Variants in SLC6A9 observed in about 807,000 individuals in gnomAD.
The protein encoded by SLC6A9 is solute carrier family 6 member 9.
In SLC6A9, 31 loss-of-function variants were observed where a neutral mutation model predicts 70.9. The observed-to-expected ratio is 0.44, with a 90% CI of 0.33 to 0.59. The LOEUF is 0.59. Among genes scored for constraint, SLC6A9 ranks in the 20% least tolerant of loss-of-function variants. The pLI is 0.04. For synonymous variants in SLC6A9, 310 were observed against 341.3 expected (o/e 0.91, Z 1.01); for missense variants, 631 against 845.2 (o/e 0.75, Z 3.14).
At chr1:44,003,561 A>C (rs577062532) in intron 5 of SLC6A9, among the ~76,000 whole-genome samples, 1 of 152,234 alleles carries the variant, frequency 6.6e-6, no homozygotes, top group East Asian at 1.9e-4. Flanking sequence ...GTTCAAGACC[A>C]GCCTGGCCAA....
At chr1:44,008,259 G>T in intron 5 of SLC6A9, 94 bp downstream of exon 5, 2 of 1,293,600 alleles carry the variant, frequency 1.5e-6, no homozygotes, top group Non-Finnish European at 2.2e-6. Context: ...GGCTGAACCT[G>T]CAGCAGGCAC....
At position 43,997,910 on chromosome 1, in the gene SLC6A9, A is replaced by T. The variant is rs767213964; in HGVS notation, c.1652T>A (p.Ile551Asn). 4 of 1,613,992 alleles carry T rather than the reference A, an allele frequency of 2.5e-6. No homozygotes were observed. The highest frequency in any genetic ancestry group is 3.4e-6 in the Non-Finnish European group (4 of 1,179,966). ...FLMALSSVLC[I>N]PLYAMFRLCR... ...GAGCCGGAACATGGCGTAGAGGGGG[A>T]TGCAGAGGACGGAGGACAGAGCCAT... The change falls in exon 13 of 14, where the codon ATC becomes AAC. Residue 551 changes from isoleucine (I) to asparagine (N), a missense_variant. By Grantham distance (149) the Ile-to-Asn change is moderately radical. Coordinates refer to ENST00000372310, the MANE Select transcript of SLC6A9 (RefSeq NM_001024845.3). The surrounding 1 kb of genome is among the most constrained non-coding windows in gnomAD (Gnocchi z 4.4).
chr1:43,998,047 G>A (rs890864930), intron 12 of SLC6A9, 22 bp from the exon 13 acceptor site: 1 of 1,593,276 alleles, frequency 6.3e-7, no homozygotes, highest in African/African-American at 1.3e-5. Context: ...AGGTGTGGGA[G>A]TGGGCGTGAG....
At chr1:44,003,010 G>A in intron 5 of SLC6A9, 25 bp from the exon 6 acceptor site, 8 of 1,613,230 alleles carry the variant, frequency 5.0e-6, no homozygotes, top group South Asian at 1.1e-5. Context: ...CTCTGTCACT[G>A]AGGGCCAGCC....
At chr1:44,004,804 A>G (rs1447130778) in intron 5 of SLC6A9, among the ~76,000 whole-genome samples, 1 of 152,184 alleles carries the variant, frequency 6.6e-6, no homozygotes, top group East Asian at 1.9e-4. Context: ...TGCTTTTGAG[A>G]TCAAACAGCC....
In SLC6A9 at chr1:44,010,865, G is replaced by A. The variant is rs201241514; in HGVS notation, c.48C>T (p.Ser16=). ...GGTTCTGGTCCCTCTTGGTGGCCTC[G>A]CTGGGCACAGCACCATTCTGTGGGG... ...AKGMLNGAVP[S]EATKRDQNLK... Residue 16 remains serine, a synonymous_variant, in exon 3 of 14, where the codon AGC becomes AGT. Coordinates refer to ENST00000372310, the MANE Select transcript of SLC6A9 (RefSeq NM_001024845.3). The A allele has an allele frequency of 1.4e-4, 227 of 1,614,064 alleles. No homozygotes were observed. Among genetic ancestry groups the A allele is most frequent in the Non-Finnish European group, 1.8e-4 (216 of 1,180,010 alleles).
intron 8 of SLC6A9, among the ~76,000 whole-genome samples, 176 bp from the exon 9 acceptor site, chr1:44,001,803 C>G (rs2086119094): frequency 6.6e-6 from 1 of 152,186 alleles, no homozygotes; most frequent in South Asian, 2.1e-4. Context: ...TCACAGCTAA[C>G]TGTAGCCTTG....
rs768178013 is a variant in SLC6A9 at position 44,008,379 on chromosome 1, C to T, written c.564G>A (p.Arg188=). The T allele has an allele frequency of 6.8e-6, 11 of 1,614,092 alleles. No homozygotes were observed. Among genetic ancestry groups the T allele is most frequent in the Non-Finnish European group, 8.5e-6 (10 of 1,179,944 alleles). The change falls in exon 5 of 14, where the codon AGG becomes AGA. Residue 188 remains arginine (R), a synonymous_variant. Transcript: ENST00000372310. ...TCCAGTACTCCTCGCTGGGGCTGGTCCTCTGGAGGCTGTGGTTGAGCAGGT... is the reference window on the plus strand; with the variant it reads ...TCCAGTACTCCTCGCTGGGGCTGGTTCTCTGGAGGCTGTGGTTGAGCAGGT... ...LSHLLNHSLQ[R]TSPSEEYWRL... is the part of the protein sequence containing the mutation.
chr1:43,998,137 T>G, intron 12 of SLC6A9, 112 bp from the exon 13 acceptor site: 1 of 1,045,104 alleles, frequency 9.6e-7, no homozygotes, highest in Non-Finnish European at 1.4e-6. Flanking sequence ...GAAAAGGGCA[T>G]TTGGGGCAGA....
At chr1:44,017,128 G>C in intron 2 of SLC6A9, 1 of 1,606,572 alleles carries the variant, frequency 6.2e-7, no homozygotes, top group Non-Finnish European at 8.5e-7. Context: ...TGTCTCCGCC[G>C]CTCATTCACA....
intron 2 of SLC6A9, among the ~76,000 whole-genome samples, chr1:44,020,158 G>A (rs2154307168): frequency 6.6e-6 from 1 of 152,360 alleles, no homozygotes; most frequent in Non-Finnish European, 1.5e-5. Flanking sequence ...AATGCCCACT[G>A]TGTGCCAGGC....
intron 3 of SLC6A9, chr1:44,010,305 G>A (rs866321952): frequency 2.6e-5 from 15 of 567,170 alleles, no homozygotes; most frequent in African/African-American, 1.9e-4. Context: ...TGCTTGGAGT[G>A]GAATCCAGGT....
At chr1:44,010,209 G>A (rs1469893483) in intron 3 of SLC6A9, 113 bp from the exon 4 acceptor site, 13 of 1,185,222 alleles carry the variant, frequency 1.1e-5, no homozygotes, top group African/African-American at 1.5e-5. Flanking sequence ...ACCCAGGGAG[G>A]AGTGTGCCAG....
Position 43,997,772 on chromosome 1 carries a change from G to A in SLC6A9, c.1708-33C>T. 1 of 1,594,072 alleles carries A rather than the reference G, an allele frequency of 6.3e-7. No homozygotes were observed. Among genetic ancestry groups the A allele is most frequent in the Non-Finnish European group, 8.6e-7 (1 of 1,168,736 alleles). ...AGGTAGGCATGGGGCACAGGGGCAGGGCACGTCAGGAGGGAGCCCTTAAGC... is the reference window on the plus strand; with the variant it reads ...AGGTAGGCATGGGGCACAGGGGCAGAGCACGTCAGGAGGGAGCCCTTAAGC... On this transcript the variant is annotated intron_variant, in intron 13 of 13. Coordinates refer to ENST00000372310, the MANE Select transcript of SLC6A9 (RefSeq NM_001024845.3). The surrounding 1 kb of genome is among the most constrained non-coding windows in gnomAD (Gnocchi z 4.4).
Position 44,028,412 on chromosome 1 carries a change from A to T in SLC6A9, c.-86+2894T>A, listed in dbSNP as rs79703209. ...AACCATCCCCCTAGATACAGTGTGG[A>T]GAAAGGACTGGAGGGAGGCTGAAGT... On this transcript the variant is annotated intron_variant, in intron 1 of 13. Transcript: ENST00000372310. Among the ~76,000 whole-genome samples, 233 of 152,294 alleles carry T rather than the reference A, an allele frequency of 1.5e-3. 1 individual carries two copies. Among genetic ancestry groups the T allele is most frequent in the African/African-American group, 5.3e-3 (220 of 41,554 alleles).
rs1346463069 is a variant in SLC6A9, at chr1:43,997,554, G to C, written c.1893C>G (p.Ser631=). The change falls in exon 14 of 14, where the codon TCC becomes TCG. Residue 631 remains serine, a synonymous_variant. Transcript: ENST00000372310. The surrounding 1 kb of genome is among the most constrained non-coding windows in gnomAD (Gnocchi z 4.4). ...GSNGSSRLQD[S]RI is the part of the protein sequence containing the mutation. ...CCCCTGGCAGCTGTGCTCATATCCGGGAGTCCTGGAGGCGGCTGGAGCCAT... is the reference window on the plus strand; with the variant it reads ...CCCCTGGCAGCTGTGCTCATATCCGCGAGTCCTGGAGGCGGCTGGAGCCAT... 2.5e-6 allele frequency: 4 copies of C among 1,613,404 alleles called. No homozygotes were observed. Among genetic ancestry groups the C allele is most frequent in the Non-Finnish European group, 3.4e-6 (4 of 1,179,886 alleles).
chr1:44,022,952 C>A (rs563655157), intron 2 of SLC6A9, among the ~76,000 whole-genome samples: 1 of 152,158 alleles, frequency 6.6e-6, no homozygotes, highest in African/African-American at 2.4e-5. Flanking sequence ...GTGATCTGCC[C>A]TCCTCAGCCT....
At chr1:44,011,185 G>A (rs200745497) in intron 2 of SLC6A9, among the ~76,000 whole-genome samples, 1 of 152,154 alleles carries the variant, frequency 6.6e-6, no homozygotes, top group Non-Finnish European at 1.5e-5. Flanking sequence ...CTAGGGCCAG[G>A]AGCCCCCAAG....
In SLC6A9 at chr1:44,001,453, G is replaced by T; in HGVS notation, c.1137C>A (p.Pro379=). 1 of 1,614,208 alleles carries T rather than the reference G, an allele frequency of 6.2e-7. No homozygotes were observed. Among genetic ancestry groups the T allele is most frequent in the African/African-American group, 1.3e-5 (1 of 75,058 alleles). ...AGAGCAGAGACCACAGCGGGGAGAT[G>T]GGAAGTAGTGTGAGGGCCTCGGGGT... ...VAYPEALTLL[P]ISPLWSLLFF... The change falls in exon 9 of 14, where the codon CCC becomes CCA. Residue 379 remains proline, a synonymous_variant. Transcript: ENST00000372310.
Sources: gnomAD v4.1 joint callset for allele counts (sites outside exome capture counted in the v4.1 genomes callset) on GRCh38, gnomAD v4.1.1 for gene constraint, Gnocchi (gnomAD v3.1) non-coding constraint, MANE v1.5 for transcripts, NCBI Gene and HGNC (gene_info 2026-07-23, HGNC 2026-07-21) for gene names.